Variants in TRIM33 observed in about 807,000 individuals in gnomAD.
TRIM33 encodes tripartite motif containing 33.
In TRIM33, 20 loss-of-function variants were observed where a neutral mutation model predicts 125.4. The observed-to-expected ratio is 0.16, with a 90% CI of 0.11 to 0.23. The LOEUF (loss-of-function observed/expected upper bound fraction) is 0.23, where lower values mean the gene tolerates loss of function less well. Ranked by LOEUF, TRIM33 falls within the 10% of genes least tolerant of loss-of-function variation. The pLI, the probability that TRIM33 is intolerant of heterozygous loss-of-function variation, is 1.00. For synonymous variants in TRIM33, 564 were observed against 513.9 expected (o/e 1.10, Z -1.32); for missense variants, 920 against 1,411.4 (o/e 0.65, Z 5.58).
At chr1:114,497,388 C>G (rs976992571) in intron 1 of TRIM33, among the ~76,000 whole-genome samples, 3 of 152,108 alleles carry the variant, frequency 2.0e-5, no homozygotes, top group Non-Finnish European at 4.4e-5. Flanking sequence ...CCTCTGCCTC[C>G]CGGGTTCAAG....
chr1:114,474,578 TA>T (rs34473575), intron 1 of TRIM33, among the ~76,000 whole-genome samples: 859 of 78,976 alleles, frequency 0.011, 12 homozygotes, highest in East Asian at 0.08. Context: ...TGTCTCTATT[TA>T]AAAAAAAAAA....
At chr1:114,457,932 A>G (rs1649722954) in intron 4 of TRIM33, among the ~76,000 whole-genome samples, 1 of 152,194 alleles carries the variant, frequency 6.6e-6, no homozygotes, top group Non-Finnish European at 1.5e-5. Context: ...GACAATGAAG[A>G]AAGACACTGG....
intron 1 of TRIM33, 60 bp downstream of exon 1, chr1:114,510,491 C>A (rs1193871280): frequency 2.2e-6 from 3 of 1,393,954 alleles, no homozygotes; most frequent in Non-Finnish European, 2.8e-6. Flanking sequence ...CCGTCCCCAG[C>A]TCCTCTAGGG....
At chr1:114,434,514 T>G (rs548565015) in intron 4 of TRIM33, among the ~76,000 whole-genome samples, 10 of 152,364 alleles carry the variant, frequency 6.6e-5, no homozygotes, top group Admixed American at 2.0e-4. Context: ...TGCTATATGT[T>G]AAAATTTTCT....
At chr1:114,479,680 AACAAT>A (rs1651185109) in intron 1 of TRIM33, among the ~76,000 whole-genome samples, 1 of 152,248 alleles carries the variant, frequency 6.6e-6, no homozygotes, top group African/African-American at 2.4e-5. Context: ...TCATGACTAT[AACAAT>A]ACAAAAGATA....
intron 1 of TRIM33, among the ~76,000 whole-genome samples, chr1:114,509,231 G>A (rs1036826094): frequency 2.0e-5 from 3 of 152,154 alleles, no homozygotes; most frequent in African/African-American, 2.4e-5. Flanking sequence ...CACTCTACAG[G>A]ATGAATTCCA....
chr1:114,432,487 C>A (rs1648021411), intron 5 of TRIM33, among the ~76,000 whole-genome samples: 1 of 152,148 alleles, frequency 6.6e-6, no homozygotes, highest in East Asian at 1.9e-4. Context: ...TTTGGTGTTA[C>A]TTAAGATAAA....
At chr1:114,506,790 T>C (rs1427076752) in intron 1 of TRIM33, among the ~76,000 whole-genome samples, 1 of 152,234 alleles carries the variant, frequency 6.6e-6, no homozygotes, top group Non-Finnish European at 1.5e-5. Context: ...TCTATTTTGA[T>C]TTTGCAAATA....
intron 1 of TRIM33, among the ~76,000 whole-genome samples, chr1:114,475,140 C>T (rs1213604374): frequency 6.6e-6 from 1 of 152,034 alleles, no homozygotes; most frequent in African/African-American, 2.4e-5. Flanking sequence ...TGACCCCCCA[C>T]AAAACAAAAG....
At chr1:114,448,596 T>C (rs1322222303) in intron 4 of TRIM33, among the ~76,000 whole-genome samples, 1 of 152,100 alleles carries the variant, frequency 6.6e-6, no homozygotes, top group Admixed American at 6.6e-5. Context: ...TTATGCCAAG[T>C]GAATTCAAAA....
chr1:114,473,375 G>A (rs570923434), intron 1 of TRIM33, among the ~76,000 whole-genome samples: 6 of 152,254 alleles, frequency 3.9e-5, no homozygotes, highest in Non-Finnish European at 7.4e-5. Flanking sequence ...AGGGGAAGGG[G>A]TTCTTATTCC....
chr1:114,463,767 C>CT (rs397977770), intron 2 of TRIM33, among the ~76,000 whole-genome samples: 41,927 of 125,998 alleles, frequency 0.33, 7,952 homozygotes, highest in African/African-American at 0.4. Context: ...GCAGATTTGA[C>CT]TTTTTTTTTT....
chr1:114,418,680 C>T (rs1413652186), intron 11 of TRIM33, among the ~76,000 whole-genome samples: 1 of 152,170 alleles, frequency 6.6e-6, no homozygotes, highest in African/African-American at 2.4e-5. Context: ...CAGATAACAT[C>T]ACTATTGCTG....
intron 4 of TRIM33, among the ~76,000 whole-genome samples, chr1:114,453,321 G>A (rs1344295252): frequency 6.6e-6 from 1 of 150,988 alleles, no homozygotes; most frequent in African/African-American, 2.4e-5. Flanking sequence ...CCGAGATCAT[G>A]CCACTGCACT....
intron 11 of TRIM33, among the ~76,000 whole-genome samples, chr1:114,414,027 G>GCACACGCACACA (rs1652767830): frequency 2.3e-5 from 3 of 130,684 alleles, no homozygotes; most frequent in Non-Finnish European, 4.8e-5. Context: ...TAAATCACAG[G>GCACACGCACACA]CACACACACA....
At chr1:114,497,299 A>AT (rs996237115) in intron 1 of TRIM33, among the ~76,000 whole-genome samples, 4 of 151,820 alleles carry the variant, frequency 2.6e-5, no homozygotes, top group Non-Finnish European at 4.4e-5. Context: ...TACACTTAAA[A>AT]TTTTTTTTTC....
chr1:114,410,443 T>A (rs1312620881), intron 11 of TRIM33, 127 bp from the exon 12 acceptor site: 1 of 983,036 alleles, frequency 1.0e-6, no homozygotes, highest in African/African-American at 1.6e-5. Context: ...CTGAGCCTTA[T>A]TATTGCTTCC....
In TRIM33 at chr1:114,449,420, G is replaced by A. The variant is rs6696058; in HGVS notation, c.923+13684C>T. ...ATTAAAGTGTGACAGATGAGGGGAC[G>A]TCTGGGAGTGTGGCACTTGTGGCAC... On this transcript the variant is annotated intron_variant, in intron 4 of 19. Transcript: ENST00000358465. Among the ~76,000 whole-genome samples, 807 of 152,320 alleles carry A rather than the reference G, an allele frequency of 5.3e-3. 6 individuals carry two copies. The highest frequency in any genetic ancestry group is 0.018 in the African/African-American group (760 of 41,560).
intron 4 of TRIM33, among the ~76,000 whole-genome samples, chr1:114,444,412 T>C (rs780104989): frequency 5.7e-4 from 87 of 152,192 alleles, no homozygotes; most frequent in Non-Finnish European, 1.1e-3. Flanking sequence ...TCAGCTTGAA[T>C]TCTATCTTCA....
Sources: gnomAD v4.1 joint callset for allele counts (sites outside exome capture counted in the v4.1 genomes callset) on GRCh38, gnomAD v4.1.1 for gene constraint, MANE v1.5 for transcripts, NCBI Gene and HGNC (gene_info 2026-07-23, HGNC 2026-07-21) for gene names.